The following ARID4B variants were observed in gnomAD, a reference collection of about 807,000 sequenced individuals.
The protein encoded by ARID4B is AT-rich interactive domain-containing protein 4B.
In ARID4B, 26 loss-of-function variants were observed where a neutral mutation model predicts 147.5. That is an observed-to-expected ratio of 0.18 (90% CI 0.13 to 0.24). The LOEUF is 0.24. ARID4B is among the 10% of genes least tolerant of loss of function. The probability of loss-of-function intolerance (pLI) is 1.00; values close to 1 mark genes in which losing one functional copy is unlikely to be tolerated. For synonymous variants in ARID4B, 512 were observed against 507.9 expected (o/e 1.01, Z -0.11); for missense variants, 1,179 against 1,511.5 (o/e 0.78, Z 3.65).
intron 11 of ARID4B, 55 bp from the exon 12 acceptor site, chr1:235,224,830 C>G: frequency 7.9e-7 from 1 of 1,258,046 alleles, no homozygotes; most frequent in African/African-American, 1.5e-5. Context: ...TTTAATAAAA[C>G]AAGCAGATTT....
intron 2 of ARID4B, among the ~76,000 whole-genome samples, chr1:235,315,895 T>A (rs1239697658): frequency 6.6e-6 from 1 of 152,076 alleles, no homozygotes; most frequent in Non-Finnish European, 1.5e-5. Flanking sequence ...ATAAATAATA[T>A]CCAATGTGCC....
chr1:235,257,596 C>T (rs1670064644), intron 3 of ARID4B, among the ~76,000 whole-genome samples: 1 of 151,892 alleles, frequency 6.6e-6, no homozygotes, highest in African/African-American at 2.4e-5. Flanking sequence ...ATTCTCCTGC[C>T]TCAGTCTTTC....
intron 19 of ARID4B, among the ~76,000 whole-genome samples, chr1:235,192,055 A>T (rs1427849935): frequency 1.3e-5 from 2 of 152,196 alleles, no homozygotes; most frequent in African/African-American, 4.8e-5. Context: ...TGGGTGACAG[A>T]GCGAGACTCT....
chr1:235,214,160 C>CA (rs1230805754), intron 16 of ARID4B, 134 bp from the exon 17 acceptor site: 1 of 1,092,512 alleles, frequency 9.2e-7, no homozygotes, highest in African/African-American at 1.6e-5. Flanking sequence ...ATGAAATTCT[C>CA]AGAGTTTCAT....
chr1:235,181,728 T>A lies in ARID4B; in HGVS notation c.3191A>T (p.Glu1064Val), dbSNP rs1446583700. ...NQEEVRSIKS[E>V]TDSTIEVDSV... Reference sequence around the variant, plus strand: ...ATCCACCTCAATTGTGCTATCAGTTTCACTCTTGATACTTCGAACCTCTTC... The same window carrying A: ...ATCCACCTCAATTGTGCTATCAGTTACACTCTTGATACTTCGAACCTCTTC... Residue 1064 changes from glutamate (E) to valine (V), a missense_variant, in exon 20 of 24, where the codon GAA becomes GTA. This residue lies in a region of ARID4B where 357 missense variants were observed against 427.3 expected (regional missense o/e 0.84). Transcript: ENST00000264183. The A allele has an allele frequency of 2.5e-6, 4 of 1,614,040 alleles. No homozygotes were observed. The Admixed American group carries it at 6.7e-5, about 27-fold the overall frequency.
At chr1:235,171,607 T>C (rs1663367627) in intron 23 of ARID4B, among the ~76,000 whole-genome samples, 1 of 152,092 alleles carries the variant, frequency 6.6e-6, no homozygotes. Context: ...TGACTATATT[T>C]ACAAAACATT....
At chr1:235,173,761 A>AT (rs1663572292) in intron 22 of ARID4B, among the ~76,000 whole-genome samples, 2 of 51,978 alleles carry the variant, frequency 3.8e-5, no homozygotes, top group African/African-American at 1.1e-4. Context: ...AAAAAAAAAA[A>AT]AAAAAAAAAA....
intron 3 of ARID4B, among the ~76,000 whole-genome samples, chr1:235,260,143 G>C (rs566564277): frequency 6.6e-6 from 1 of 152,202 alleles, no homozygotes; most frequent in Non-Finnish European, 1.5e-5. Context: ...GAAAGGCAGA[G>C]CATAAGGAGT....
At chr1:235,198,522 A>G (rs1033834722) in intron 17 of ARID4B, among the ~76,000 whole-genome samples, 1 of 152,248 alleles carries the variant, frequency 6.6e-6, no homozygotes, top group African/African-American at 2.4e-5. Flanking sequence ...ACACATAAAT[A>G]ATAAAATGAT....
chr1:235,189,399 C>CAAAAAAAAAAAAAAAAA (rs11299121), intron 19 of ARID4B, among the ~76,000 whole-genome samples: 1 of 58,920 alleles, frequency 1.7e-5, no homozygotes, highest in Non-Finnish European at 2.8e-5. Context: ...GACTCAGTCT[C>CAAAAAAAAAAAAAAAAA]AAAAAAAAAA....
chr1:235,204,640 A>G (rs1054788907), intron 17 of ARID4B, among the ~76,000 whole-genome samples: 47 of 152,248 alleles, frequency 3.1e-4, no homozygotes, highest in Non-Finnish European at 8.8e-5. Context: ...GCATTTTACC[A>G]AAGCGTACAA....
intron 2 of ARID4B, among the ~76,000 whole-genome samples, chr1:235,302,685 T>C (rs1673267402): frequency 6.6e-6 from 1 of 152,190 alleles, no homozygotes; most frequent in Non-Finnish European, 1.5e-5. Flanking sequence ...CCACTGCTTC[T>C]CCTTTCTCTT....
chr1:235,267,017 C>G (rs964018697), intron 2 of ARID4B, among the ~76,000 whole-genome samples: 4 of 152,346 alleles, frequency 2.6e-5, no homozygotes, highest in African/African-American at 9.6e-5. Context: ...ATGGCTCACA[C>G]CTACAATCCC....
intron 3 of ARID4B, 65 bp from the exon 4 acceptor site, chr1:235,257,290 CA>C: frequency 9.7e-7 from 1 of 1,028,104 alleles, no homozygotes; most frequent in Non-Finnish European, 1.5e-6. Flanking sequence ...ATCAATGCAC[CA>C]ATTATTCATT....
rs557516460 is a variant in ARID4B at position 235,201,121 on chromosome 1, G to T, written c.1842-5006C>A. ...GATCGCACCACTGTGCTCCAGCCTG[G>T]GTGACACAGCGAGACTCTGTCTCCA... is the stretch of plus-strand genomic sequence containing the variant. On this transcript the variant is annotated intron_variant, in intron 17 of 23. Transcript: ENST00000264183. Among the ~76,000 whole-genome samples, 3 of 151,976 alleles carry T rather than the reference G, an allele frequency of 2.0e-5. No homozygotes were observed. In the East Asian group the frequency reaches 5.8e-4, roughly 29 times the overall value.
chr1:235,294,002 A>G (rs1378015639), intron 2 of ARID4B, among the ~76,000 whole-genome samples: 1 of 152,172 alleles, frequency 6.6e-6, no homozygotes, highest in Non-Finnish European at 1.5e-5. Context: ...AAGGAGTAAA[A>G]CTGATCATCT....
intron 2 of ARID4B, among the ~76,000 whole-genome samples, chr1:235,296,506 C>T (rs1329274482): frequency 6.6e-6 from 1 of 151,748 alleles, no homozygotes; most frequent in African/African-American, 2.4e-5. Context: ...GGGTCTCACT[C>T]TATCACCCAG....
intron 6 of ARID4B, among the ~76,000 whole-genome samples, chr1:235,250,939 T>C (rs1406674559): frequency 1.2e-4 from 19 of 152,152 alleles, no homozygotes; most frequent in Admixed American, 1.2e-3. Context: ...GACCTTCACT[T>C]AACAGGAGAA....
At chr1:235,309,793 G>T (rs1173828828) in intron 2 of ARID4B, among the ~76,000 whole-genome samples, 1 of 152,224 alleles carries the variant, frequency 6.6e-6, no homozygotes, top group Non-Finnish European at 1.5e-5. Flanking sequence ...GTAGAAAGAA[G>T]TAGACATGGG....
Sources: gnomAD v4.1 joint callset for allele counts (sites outside exome capture counted in the v4.1 genomes callset) on GRCh38, gnomAD v4.1.1 for gene constraint, gnomAD v4.1.1 regional missense constraint, MANE v1.5 for transcripts, NCBI Gene and HGNC (gene_info 2026-07-23, HGNC 2026-07-21) for gene names.